Variants in POPDC2 observed in about 807,000 individuals in gnomAD.
POPDC2 encodes the protein popeye domain-containing protein 2.
Under a neutral mutation model 30.5 loss-of-function variants are expected in POPDC2, and 24 were observed. The observed-to-expected ratio is 0.79, with a 90% CI of 0.57 to 1.11. The LOEUF is 1.11. Among genes scored for constraint, POPDC2 ranks in the 50% least tolerant of loss-of-function variants. POPDC2 has a pLI of 0.00. For synonymous variants in POPDC2, 185 were observed against 183.3 expected (o/e 1.01, Z -0.07); for missense variants, 409 against 447.0 (o/e 0.91, Z 0.77).
At chr3:119,648,980 A>T (rs991839269) in intron 2 of POPDC2, among the ~76,000 whole-genome samples, 2 of 152,228 alleles carry the variant, frequency 1.3e-5, no homozygotes, top group African/African-American at 4.8e-5. Context: ...TAATGCCACT[A>T]ATGACTGCAG....
rs2107810541 is a variant in POPDC2 at position 119,642,453 on chromosome 3, C to A, written c.*152G>T. 6.5e-7 allele frequency: 1 copy of A among 1,549,538 alleles called. No individual in the cohort carries two copies. Among genetic ancestry groups the A allele is most frequent in the East Asian group, 2.2e-5 (1 of 44,534 alleles). ...ACACAGAAGAGAGCTGCGCTGGCCA[C>A]AGAGAAGATAGTCCAATGATCCTTA... On this transcript the variant is annotated 3_prime_UTR_variant, in exon 4 of 4. Transcript: ENST00000493094.
At chr3:119,656,882 A>C (rs939674690) in intron 1 of POPDC2, among the ~76,000 whole-genome samples, 4 of 152,190 alleles carry the variant, frequency 2.6e-5, no homozygotes, top group African/African-American at 9.7e-5. Context: ...AGCATCTCTC[A>C]TGTTTCTGGA....
At chr3:119,645,738 G>A (rs1448204088) in intron 3 of POPDC2, among the ~76,000 whole-genome samples, 2 of 152,150 alleles carry the variant, frequency 1.3e-5, no homozygotes, top group Non-Finnish European at 2.9e-5. Context: ...CAGAGAAATT[G>A]TAGTGAAATA....
chr3:119,644,847 AT>A (rs2052727732), intron 3 of POPDC2, among the ~76,000 whole-genome samples: 2 of 152,376 alleles, frequency 1.3e-5, no homozygotes, highest in African/African-American at 4.8e-5. Context: ...TTAAGGGAAT[AT>A]GCTTATTCAT....
rs2052930236 is a variant in POPDC2, at chr3:119,660,431, G to A, written c.-8C>T. The A allele has an allele frequency of 6.2e-7, 1 of 1,605,132 alleles. No homozygotes were observed. Among genetic ancestry groups the A allele is most frequent in the Admixed American group, 1.7e-5 (1 of 59,486 alleles). On this transcript the variant is annotated 5_prime_UTR_variant, in exon 1 of 4. Coordinates refer to ENST00000493094, the MANE Select transcript of POPDC2 (RefSeq NM_001369919.2). The stretch of plus-strand genomic sequence containing the variant: ...GCTGCTGTTGGCGCTCATCTTTGGG[G>A]CCTCTCAAAGCCTCACTGGGCTCTA...
At chr3:119,642,933 C>T (rs192615947) in intron 3 of POPDC2, among the ~76,000 whole-genome samples, 1 of 152,246 alleles carries the variant, frequency 6.6e-6, no homozygotes, top group African/African-American at 2.4e-5. Flanking sequence ...TTCATTTTTA[C>T]AGAAAGATGG....
At chr3:119,656,035 T>C (rs1003996094) in intron 1 of POPDC2, among the ~76,000 whole-genome samples, 4 of 152,218 alleles carry the variant, frequency 2.6e-5, no homozygotes, top group Non-Finnish European at 5.9e-5. Flanking sequence ...TGCGTGTAAA[T>C]CATGCCTTGG....
chr3:119,648,376 T>C lies in POPDC2; in HGVS notation c.893A>G (p.Gln298Arg), dbSNP rs1481655602. 6.2e-7 allele frequency: 1 copy of C among 1,614,008 alleles called. No individual in the cohort carries two copies. Among genetic ancestry groups the C allele is most frequent in the South Asian group, 1.1e-5 (1 of 91,062 alleles). ...TTGCTGGAGAGAGGTGGGTGTGGCC[T>C]GAGGAGGGGACACAGCTGGCTCACA... ...EVCEPAVSPP[Q>R]ATPTSLQQTP... is the part of the protein sequence containing the mutation. The change falls in exon 3 of 4, where the codon CAG (glutamine) becomes CGG (arginine). Residue 298 changes from glutamine (Q) to arginine (R), a missense_variant. Physicochemically the swap from Gln to Arg is conservative, Grantham distance 43. Transcript: ENST00000493094.
chr3:119,648,526 A>G lies in POPDC2; in HGVS notation c.743T>C (p.Leu248Pro). 1 of 1,614,126 alleles carries G rather than the reference A, an allele frequency of 6.2e-7. No homozygotes were observed. Among genetic ancestry groups the G allele is most frequent in the Non-Finnish European group, 8.5e-7 (1 of 1,180,006 alleles). The part of the protein sequence containing the change: ...GYDISEKLYT[L>P]NDKLFAKFGL... The stretch of plus-strand genomic sequence containing the variant: ...AAACTTAGCAAAGAGCTTGTCATTG[A>G]GAGTGTAGAGCTTCTCTGAGATGTC... Residue 248 changes from leucine to proline, a missense_variant, in exon 3 of 4, where the codon CTC becomes CCC. Transcript: ENST00000493094.
At chr3:119,659,395 A>C (rs3749418) in intron 1 of POPDC2, among the ~76,000 whole-genome samples, 12,282 of 152,206 alleles carry the variant, frequency 0.081, 688 homozygotes, top group East Asian at 0.19. Flanking sequence ...GCTACCCCAA[A>C]CACAAGTGGG....
intron 1 of POPDC2, among the ~76,000 whole-genome samples, chr3:119,659,014 G>A (rs79000928): frequency 7.7e-4 from 117 of 151,692 alleles, no homozygotes; most frequent in African/African-American, 2.7e-3. Context: ...TGGAGTGGGG[G>A]TTGTGGGGCT....
chr3:119,645,752 CAG>C (rs924664545), intron 3 of POPDC2, among the ~76,000 whole-genome samples: 1 of 152,104 alleles, frequency 6.6e-6, no homozygotes, highest in Admixed American at 6.5e-5. Flanking sequence ...TGAAATATCA[CAG>C]AGAGTTCTTG....
chr3:119,642,445 G>A lies in POPDC2; in HGVS notation c.*160C>T, dbSNP rs763253100. 3.6e-5 allele frequency: 53 copies of A among 1,484,506 alleles called. No homozygotes were observed. The highest frequency in any genetic ancestry group is 1.7e-4 in the Middle Eastern group (1 of 5,764). 92.0% of individuals were successfully genotyped at this position (1,484,506 alleles called of 1,614,324 possible). Reference sequence around the variant, plus strand: ...TTCTGTGAACACAGAAGAGAGCTGCGCTGGCCACAGAGAAGATAGTCCAAT... The same window carrying A: ...TTCTGTGAACACAGAAGAGAGCTGCACTGGCCACAGAGAAGATAGTCCAAT... On this transcript the variant is annotated 3_prime_UTR_variant, in exon 4 of 4. Coordinates refer to ENST00000493094, the MANE Select transcript of POPDC2 (RefSeq NM_001369919.2).
In POPDC2 at chr3:119,648,009, G is replaced by A. The variant is rs929487699; in HGVS notation, c.*43+110C>T. ...CAAAGTTGGGTTAATGCCACTTTCTGTGAGTCCTCTAAGAGGAAATGTTCC... is the reference window on the plus strand; with the variant it reads ...CAAAGTTGGGTTAATGCCACTTTCTATGAGTCCTCTAAGAGGAAATGTTCC... On this transcript the variant is annotated intron_variant, in intron 3 of 3. Transcript: ENST00000493094. 4 of 908,108 alleles carry A rather than the reference G, an allele frequency of 4.4e-6. 1 individual carries two copies. Among genetic ancestry groups the A allele is most frequent in the South Asian group, 4.2e-5 (2 of 47,598 alleles). The allele number at this position is 908,108 out of a possible 1,614,324, so 56.3% of individuals were successfully genotyped here. A position where few individuals can be genotyped will look rare whatever the true frequency, so the allele number is the denominator to read the frequency against.
At chr3:119,652,011 CCCA>C (rs2052817024) in intron 2 of POPDC2, among the ~76,000 whole-genome samples, 1 of 152,142 alleles carries the variant, frequency 6.6e-6, no homozygotes, top group Admixed American at 6.5e-5. Flanking sequence ...GATTGGTTCT[CCCA>C]TATATATAGA....
intron 3 of POPDC2, among the ~76,000 whole-genome samples, chr3:119,645,455 G>A (rs1408522493): frequency 1.3e-5 from 2 of 152,042 alleles, no homozygotes; most frequent in Admixed American, 6.5e-5. Flanking sequence ...CCAGCTACTC[G>A]GGAGGCTGAG....
At chr3:119,658,404 T>A (rs1011210268) in intron 1 of POPDC2, among the ~76,000 whole-genome samples, 2 of 152,200 alleles carry the variant, frequency 1.3e-5, no homozygotes, top group African/African-American at 2.4e-5. Flanking sequence ...TGGGAAGTGA[T>A]CTTATACAAG....
Position 119,660,195 on chromosome 3 carries a change from T to A in POPDC2, c.229A>T (p.Ile77Phe), listed in dbSNP as rs754044504. 6.2e-6 allele frequency: 10 copies of A among 1,613,990 alleles called. No homozygotes were observed. Reference sequence around the variant, plus strand: ...GCCAGCAGGAAGCTCCAAAGAACAATGTCCAGGCCACAGGCACTGAACCAG... The same window carrying A: ...GCCAGCAGGAAGCTCCAAAGAACAAAGTCCAGGCCACAGGCACTGAACCAG... ...WGWFSACGLD[I>F]VLWSFLLAVV... The change falls in exon 1 of 4, where the codon ATT becomes TTT. Residue 77 changes from isoleucine (I) to phenylalanine (F), a missense_variant. By Grantham distance (21) the Ile-to-Phe change is conservative. Transcript: ENST00000493094.
intron 1 of POPDC2, among the ~76,000 whole-genome samples, chr3:119,659,074 TG>T (rs2052910988): frequency 6.6e-6 from 1 of 152,166 alleles, no homozygotes; most frequent in Non-Finnish European, 1.5e-5. Context: ...CTACTAAGTG[TG>T]TAGCACAGAG....
Sources: allele counts gnomAD v4.1 joint callset (sites outside exome capture counted in the v4.1 genomes callset), GRCh38; gene constraint gnomAD v4.1.1; transcripts MANE v1.5; gene names NCBI Gene and HGNC (gene_info 2026-07-23, HGNC 2026-07-21).